SPON1: variants seen among roughly 807,000 people sequenced by gnomAD.
SPON1 encodes the protein spondin-1.
In SPON1, 52 loss-of-function variants were observed where a neutral mutation model predicts 111.7. The ratio of observed to expected loss-of-function variants is 0.47; its 90% CI spans 0.37 to 0.59. The LOEUF is 0.59. Ranked by LOEUF, SPON1 falls within the 20% of genes least tolerant of loss-of-function variation. SPON1 has a pLI of 0.00. For missense variants in SPON1, 957 were observed against 1,068.5 expected (o/e 0.90, Z 1.46); for synonymous variants, 410 against 395.8 (o/e 1.04, Z -0.43).
At chr11:14,158,883 G>C (rs1021819428) in intron 6 of SPON1, among the ~76,000 whole-genome samples, 7 of 152,004 alleles carry the variant, frequency 4.6e-5, no homozygotes, top group Admixed American at 4.6e-4. Context: ...TCTGATTTGT[G>C]TCTCTAACCC....
chr11:14,043,546 A>T (rs1335173217), intron 3 of SPON1, among the ~76,000 whole-genome samples: 2 of 152,250 alleles, frequency 1.3e-5, no homozygotes, highest in Non-Finnish European at 2.9e-5. Context: ...CTCTTAGCCC[A>T]GAGACTGGGT....
intron 6 of SPON1, among the ~76,000 whole-genome samples, chr11:14,143,490 G>A (rs1407095182): frequency 1.3e-5 from 2 of 152,014 alleles, no homozygotes; most frequent in African/African-American, 4.8e-5. Context: ...TGGCCCAGGA[G>A]GCAGAGGCTT....
chr11:14,182,839 T>G (rs1252042395), intron 6 of SPON1, among the ~76,000 whole-genome samples: 1 of 152,152 alleles, frequency 6.6e-6, no homozygotes, highest in Non-Finnish European at 1.5e-5. Flanking sequence ...AGGATGTTGT[T>G]TCAGATGCCA....
intron 5 of SPON1, among the ~76,000 whole-genome samples, chr11:14,109,381 C>G (rs558544802): frequency 1.3e-5 from 2 of 152,054 alleles, no homozygotes; most frequent in Non-Finnish European, 2.9e-5. Context: ...AAGATTAATA[C>G]TGAAAAAGGA....
intron 6 of SPON1, among the ~76,000 whole-genome samples, chr11:14,197,331 A>G (rs1250288078): frequency 6.6e-6 from 1 of 152,100 alleles, no homozygotes; most frequent in Non-Finnish European, 1.5e-5. Context: ...TTCACTGTGC[A>G]TAGTGAGTTG....
chr11:13,999,504 C>G (rs1848299600), intron 2 of SPON1, among the ~76,000 whole-genome samples: 1 of 151,326 alleles, frequency 6.6e-6, no homozygotes, highest in African/African-American at 2.4e-5. Flanking sequence ...CTCCCGTGTT[C>G]AAGCAATTCT....
chr11:14,262,979 T>A lies in SPON1; in HGVS notation c.2260+4T>A. ...TCTGAAGGGGAGCAGTTCCCAGGTATGGCTCCCAAGTGTCAGCCTGGGTGG... is the reference window on the plus strand; with the variant it reads ...TCTGAAGGGGAGCAGTTCCCAGGTAAGGCTCCCAAGTGTCAGCCTGGGTGG... On this transcript the variant is annotated splice_donor_region_variant and intron_variant, in intron 15 of 15. Coordinates refer to ENST00000576479, the MANE Select transcript of SPON1 (RefSeq NM_006108.4). The A allele has an allele frequency of 1.9e-6, 3 of 1,611,004 alleles. No homozygotes were observed. Among genetic ancestry groups the A allele is most frequent in the Non-Finnish European group, 2.5e-6 (3 of 1,179,322 alleles).
intron 15 of SPON1, among the ~76,000 whole-genome samples, chr11:14,264,070 C>G (rs190065753): frequency 4.0e-5 from 6 of 151,592 alleles, no homozygotes; most frequent in Non-Finnish European, 8.8e-5. Context: ...TTCCAGGCAG[C>G]AAGAATAGTC....
chr11:14,053,143 G>C (rs1848720144), intron 3 of SPON1, among the ~76,000 whole-genome samples: 1 of 152,092 alleles, frequency 6.6e-6, no homozygotes, highest in African/African-American at 2.4e-5. Flanking sequence ...TTATAATTGA[G>C]GTTAAATTCA....
At chr11:14,166,575 T>C (rs1043903436) in intron 6 of SPON1, among the ~76,000 whole-genome samples, 2 of 152,168 alleles carry the variant, frequency 1.3e-5, no homozygotes, top group Non-Finnish European at 2.9e-5. Flanking sequence ...AACTGCCTTT[T>C]GAAAAGGACC....
At chr11:14,139,530 A>C (rs1847627804) in intron 6 of SPON1, among the ~76,000 whole-genome samples, 1 of 152,178 alleles carries the variant, frequency 6.6e-6, no homozygotes, top group Non-Finnish European at 1.5e-5. Flanking sequence ...TGTTTCTTGA[A>C]TATATAGTTT....
intron 2 of SPON1, among the ~76,000 whole-genome samples, chr11:14,005,918 T>G (rs1848357354): frequency 6.6e-6 from 1 of 152,128 alleles, no homozygotes; most frequent in African/African-American, 2.4e-5. Context: ...TTCTTCCTGC[T>G]TGGAAAAGGG....
intron 15 of SPON1, among the ~76,000 whole-genome samples, chr11:14,263,881 T>G (rs1487489530): frequency 6.6e-6 from 1 of 151,586 alleles, no homozygotes; most frequent in Non-Finnish European, 1.5e-5. Flanking sequence ...GTACAAAAAT[T>G]AGCCGGGCAT....
chr11:14,074,588 G>A (rs1848901832), intron 3 of SPON1, among the ~76,000 whole-genome samples: 1 of 152,168 alleles, frequency 6.6e-6, no homozygotes, highest in African/African-American at 2.4e-5. Flanking sequence ...TCTAAATGTT[G>A]TAAACTTTCA....
At chr11:14,246,130 T>C (rs782772904) in intron 7 of SPON1, among the ~76,000 whole-genome samples, 1 of 152,076 alleles carries the variant, frequency 6.6e-6, no homozygotes, top group Non-Finnish European at 1.5e-5. Context: ...TGGGTACCAA[T>C]TTTTACACCA....
Position 14,259,347 on chromosome 11 carries a change from C to T in SPON1, c.1560C>T (p.Gly520=). ...CCTGCAGCATCTCCTGCGGCATGGG[C>T]ATGAGGTCCCGGGAGAGGTATGTGA... ...WSPCSISCGM[G]MRSRERYVKQ... The change falls in exon 12 of 16, where the codon GGC becomes GGT. Residue 520 remains glycine, a synonymous_variant. Transcript: ENST00000576479. The surrounding 1 kb of genome is among the most constrained non-coding windows in gnomAD (Gnocchi z 5.0). 1 of 1,613,048 alleles carries T rather than the reference C, an allele frequency of 6.2e-7. No homozygotes were observed. The highest frequency in any genetic ancestry group is 1.7e-4 in the Middle Eastern group (1 of 6,060).
At chr11:13,982,764 TGG>T in intron 1 of SPON1, 81 bp from the exon 2 acceptor site, 1 of 927,152 alleles carries the variant, frequency 1.1e-6, no homozygotes, top group South Asian at 1.5e-5. Flanking sequence ...GGGATATCGA[TGG>T]AGAACTCAGG....
At chr11:14,108,527 C>T (rs1455176742) in intron 5 of SPON1, among the ~76,000 whole-genome samples, 3 of 152,162 alleles carry the variant, frequency 2.0e-5, no homozygotes, top group African/African-American at 7.2e-5. Context: ...TCCCTAACTT[C>T]ACAAATATCA....
At chr11:14,223,754 C>A (rs1554937836) in intron 6 of SPON1, among the ~76,000 whole-genome samples, 1 of 152,204 alleles carries the variant, frequency 6.6e-6, no homozygotes, top group African/African-American at 2.4e-5. Context: ...TCCCTCCTAC[C>A]TTCTGTTCTT....
Sources: gnomAD v4.1 joint callset for allele counts (sites outside exome capture counted in the v4.1 genomes callset) on GRCh38, gnomAD v4.1.1 for gene constraint, Gnocchi (gnomAD v3.1) non-coding constraint, MANE v1.5 for transcripts, NCBI Gene and HGNC (gene_info 2026-07-23, HGNC 2026-07-21) for gene names.